SNTG1: variants seen among roughly 807,000 people sequenced by gnomAD.
SNTG1 encodes syntrophin gamma 1.
SNTG1 carries 39 observed loss-of-function variants against 74.7 expected under a neutral mutation model. The observed-to-expected ratio is 0.52, with a 90% CI of 0.40 to 0.68. SNTG1 has a LOEUF of 0.68. Among genes scored for constraint, SNTG1 ranks in the 30% least tolerant of loss-of-function variants. The probability of loss-of-function intolerance (pLI) is 0.00; values close to 1 mark genes in which losing one functional copy is unlikely to be tolerated. For missense variants in SNTG1, 685 were observed against 609.5 expected (o/e 1.12, Z -1.30); for synonymous variants, 254 against 217.1 (o/e 1.17, Z -1.49).
intron 1 of SNTG1, among the ~76,000 whole-genome samples, chr8:50,073,144 T>C (rs566479598): frequency 4.6e-5 from 7 of 152,308 alleles, no homozygotes; most frequent in African/African-American, 1.7e-4. Flanking sequence ...GATGGCACTT[T>C]ACCATCAGCA....
chr8:50,066,350 T>C (rs1820899403), intron 1 of SNTG1, among the ~76,000 whole-genome samples: 2 of 151,580 alleles, frequency 1.3e-5, no homozygotes, highest in Non-Finnish European at 2.9e-5. Context: ...GGTATTTTGA[T>C]ATATATATAT....
At chr8:50,328,054 C>G (rs1012526365) in intron 2 of SNTG1, among the ~76,000 whole-genome samples, 1 of 151,898 alleles carries the variant, frequency 6.6e-6, no homozygotes, top group Admixed American at 6.6e-5. Context: ...TTTTAACAAA[C>G]GTTTTGCTGT....
At chr8:50,289,583 A>G (rs1332944855) in intron 2 of SNTG1, among the ~76,000 whole-genome samples, 1 of 152,244 alleles carries the variant, frequency 6.6e-6, no homozygotes, top group Non-Finnish European at 1.5e-5. Flanking sequence ...GAAATATTAC[A>G]GAATCCTGAG....
chr8:50,220,389 G>T (rs1478574273), intron 2 of SNTG1, among the ~76,000 whole-genome samples: 2 of 152,060 alleles, frequency 1.3e-5, no homozygotes, highest in Non-Finnish European at 2.9e-5. Context: ...AGATAACAGG[G>T]ATTATGAGAA....
At chr8:50,645,366 C>G (rs1162336726) in intron 13 of SNTG1, among the ~76,000 whole-genome samples, 1 of 151,916 alleles carries the variant, frequency 6.6e-6, no homozygotes, top group African/African-American at 2.4e-5. Flanking sequence ...AATTTCCTAA[C>G]TAGCCACCTA....
chr8:50,375,648 G>C (rs549506005), intron 2 of SNTG1, among the ~76,000 whole-genome samples: 1 of 152,278 alleles, frequency 6.6e-6, no homozygotes, highest in Non-Finnish European at 1.5e-5. Flanking sequence ...GTCAGGATAA[G>C]ATAAGTCACA....
intron 1 of SNTG1, among the ~76,000 whole-genome samples, chr8:50,017,284 A>C (rs548855952): frequency 1.3e-5 from 2 of 152,198 alleles, no homozygotes; most frequent in East Asian, 1.9e-4. Context: ...ATAGAAAGAG[A>C]AAAAGGGAAT....
chr8:50,331,585 T>G (rs1473307430), intron 2 of SNTG1, among the ~76,000 whole-genome samples: 1 of 152,166 alleles, frequency 6.6e-6, no homozygotes, highest in African/African-American at 2.4e-5. Context: ...ATTGGCAATA[T>G]TCAAGCATAG....
intron 4 of SNTG1, among the ~76,000 whole-genome samples, chr8:50,414,266 T>C (rs1478622117): frequency 6.6e-6 from 1 of 152,162 alleles, no homozygotes; most frequent in Non-Finnish European, 1.5e-5. Context: ...AAATTCTCAG[T>C]TGGGGATATG....
chr8:50,563,421 G>A (rs1040594855), intron 12 of SNTG1, among the ~76,000 whole-genome samples: 4 of 152,100 alleles, frequency 2.6e-5, no homozygotes, highest in African/African-American at 4.8e-5. Flanking sequence ...TACATGTTCC[G>A]TGGGGCCACT....
intron 3 of SNTG1, among the ~76,000 whole-genome samples, chr8:50,396,172 T>G (rs2092726483): frequency 6.6e-6 from 1 of 152,228 alleles, no homozygotes; most frequent in South Asian, 2.1e-4. Flanking sequence ...TTAGTAATCC[T>G]TAGTACTGAA....
intron 12 of SNTG1, among the ~76,000 whole-genome samples, chr8:50,570,078 C>T (rs894372474): frequency 6.6e-6 from 1 of 151,870 alleles, no homozygotes; most frequent in Non-Finnish European, 1.5e-5. Context: ...TGGAACAGTA[C>T]TCACCGGAAC....
At chr8:50,177,305 C>G (rs1005330328) in intron 2 of SNTG1, among the ~76,000 whole-genome samples, 1 of 152,124 alleles carries the variant, frequency 6.6e-6, no homozygotes, top group African/African-American at 2.4e-5. Context: ...CTCAGTCCTG[C>G]CTTCTTTCCA....
intron 4 of SNTG1, among the ~76,000 whole-genome samples, chr8:50,435,415 C>T (rs573436363): frequency 2.0e-5 from 3 of 152,284 alleles, no homozygotes; most frequent in East Asian, 3.9e-4. Context: ...TTCAGATCAG[C>T]TTCCAGATAT....
chr8:50,338,285 C>A (rs1302349961), intron 2 of SNTG1, among the ~76,000 whole-genome samples: 1 of 152,214 alleles, frequency 6.6e-6, no homozygotes, highest in East Asian at 1.9e-4. Flanking sequence ...GTAAACACAG[C>A]CTAACTCCTG....
In SNTG1 at chr8:50,254,864, A is replaced by AAAAAGAAAG. The variant is rs1189243675; in HGVS notation, c.-28+82232_-28+82233insAGAAAGAAA. On this transcript the variant is annotated intron_variant, in intron 2 of 18. Coordinates refer to ENST00000642720, the MANE Select transcript of SNTG1 (RefSeq NM_018967.5). The stretch of plus-strand genomic sequence containing the variant: ...CGAGACTCCTCAAAGAAAAAAAAAA[A>AAAAAGAAAG]AAAGAAAGAAAGAAAGGACAAGCTG... 1.6e-3 allele frequency among the ~76,000 whole-genome samples: 232 copies of AAAAAGAAAG among 147,406 alleles called. 1 individual carries two copies. The highest frequency in any genetic ancestry group is 5.4e-3 in the African/African-American group (217 of 40,166).
intron 1 of SNTG1, among the ~76,000 whole-genome samples, chr8:50,016,824 C>A (rs950498695): frequency 1.3e-5 from 2 of 152,108 alleles, no homozygotes; most frequent in Admixed American, 1.3e-4. Context: ...AGAATGTATT[C>A]CAATATCAAA....
intron 2 of SNTG1, among the ~76,000 whole-genome samples, chr8:50,204,039 T>C (rs1332786880): frequency 2.0e-5 from 3 of 152,062 alleles, no homozygotes; most frequent in Non-Finnish European, 4.4e-5. Flanking sequence ...CTGGAAAAAT[T>C]TAGTAGATAC....
chr8:50,660,354 A>T (rs1031097287), intron 15 of SNTG1, among the ~76,000 whole-genome samples: 24 of 136,040 alleles, frequency 1.8e-4, no homozygotes, highest in Middle Eastern at 3.8e-3. Context: ...GAAAGAAAGA[A>T]AGAAAGAGAG....
Sources: gnomAD v4.1 joint callset for allele counts (sites outside exome capture counted in the v4.1 genomes callset) on GRCh38, gnomAD v4.1.1 for gene constraint, MANE v1.5 for transcripts, NCBI Gene and HGNC (gene_info 2026-07-23, HGNC 2026-07-21) for gene names.